TNNI3K: variants seen among roughly 807,000 people sequenced by gnomAD.
TNNI3K encodes the protein serine/threonine-protein kinase TNNI3K.
TNNI3K carries 140 observed loss-of-function variants against 114.5 expected under a neutral mutation model. The observed-to-expected ratio is 1.22, with a 90% CI of 1.07 to 1.41. The LOEUF (loss-of-function observed/expected upper bound fraction) is 1.41, where lower values mean the gene tolerates loss of function less well. Ranked by LOEUF, TNNI3K falls within the 40% of genes most tolerant of loss-of-function variation. The probability of loss-of-function intolerance (pLI) is 0.00; values close to 1 mark genes in which losing one functional copy is unlikely to be tolerated. For missense variants in TNNI3K, 1,125 were observed against 1,007.6 expected (o/e 1.12, Z -1.58); for synonymous variants, 347 against 347.5 (o/e 1.00, Z 0.02).
At chr1:74,296,113 A>G (rs1201040832) in intron 5 of TNNI3K, among the ~76,000 whole-genome samples, 2 of 152,018 alleles carry the variant, frequency 1.3e-5, no homozygotes, top group African/African-American at 4.8e-5. Context: ...CGGCACTACT[A>G]AAAATACAAA....
At chr1:74,524,058 T>G (rs1646469888) in intron 23 of TNNI3K, among the ~76,000 whole-genome samples, 1 of 152,182 alleles carries the variant, frequency 6.6e-6, no homozygotes, top group Non-Finnish European at 1.5e-5. Flanking sequence ...CCAAAAATTG[T>G]TTTTGCAAAG....
At chr1:74,269,377 A>G (rs1656207798) in intron 4 of TNNI3K, among the ~76,000 whole-genome samples, 1 of 151,894 alleles carries the variant, frequency 6.6e-6, no homozygotes, top group Non-Finnish European at 1.5e-5. Context: ...GAAACACCAG[A>G]TATGCTCAAT....
intron 21 of TNNI3K, chr1:74,481,095 CA>C: frequency 5.2e-6 from 3 of 572,846 alleles, no homozygotes; most frequent in Non-Finnish European, 9.3e-6. Flanking sequence ...ATAAACAATA[CA>C]AAAAATGAAA....
intron 5 of TNNI3K, among the ~76,000 whole-genome samples, chr1:74,290,034 A>G (rs571322089): frequency 6.6e-6 from 1 of 151,704 alleles, no homozygotes; most frequent in African/African-American, 2.4e-5. Context: ...AGTTGCTTCT[A>G]ACTTTTCTGG....
intron 5 of TNNI3K, among the ~76,000 whole-genome samples, chr1:74,276,903 A>G (rs1656718262): frequency 6.6e-6 from 1 of 152,160 alleles, no homozygotes; most frequent in Non-Finnish European, 1.5e-5. Context: ...TGGGACTCAG[A>G]TTTAAATTTA....
intron 20 of TNNI3K, among the ~76,000 whole-genome samples, chr1:74,462,875 A>G (rs1667509494): frequency 1.3e-5 from 2 of 152,254 alleles, no homozygotes; most frequent in African/African-American, 4.8e-5. Flanking sequence ...GCTAAAATAA[A>G]GATGTGAAGT....
intron 21 of TNNI3K, among the ~76,000 whole-genome samples, chr1:74,477,247 C>T (rs1338529309): frequency 6.6e-6 from 1 of 152,090 alleles, no homozygotes; most frequent in Non-Finnish European, 1.5e-5. Flanking sequence ...TATATTCTGA[C>T]ACTTTTCTTG....
intron 23 of TNNI3K, among the ~76,000 whole-genome samples, chr1:74,537,668 G>A (rs1183422780): frequency 6.6e-6 from 1 of 152,144 alleles, no homozygotes; most frequent in African/African-American, 2.4e-5. Flanking sequence ...TGACCTCCAG[G>A]AGCTATCTGT....
In TNNI3K at chr1:74,327,531, A is replaced by C. The variant is rs554486308; in HGVS notation, c.445-3919A>C. ...TAATATATATATCTCAGTATTTTAT[A>C]TATTGAGTATATATAATATATATCT... On this transcript the variant is annotated intron_variant, in intron 5 of 24. Coordinates refer to ENST00000326637, the MANE Select transcript of TNNI3K (RefSeq NM_015978.3). Among the ~76,000 whole-genome samples, 764 of 146,864 alleles carry C rather than the reference A, an allele frequency of 5.2e-3. 6 individuals carry two copies. Among genetic ancestry groups the C allele is most frequent in the Non-Finnish European group, 8.6e-3 (575 of 66,892 alleles).
intron 20 of TNNI3K, 69 bp downstream of exon 20, chr1:74,439,691 A>G: frequency 6.3e-7 from 1 of 1,582,106 alleles, no homozygotes; most frequent in South Asian, 1.2e-5. Context: ...CTTCAAGAAA[A>G]TTTTTTTTCA....
At chr1:74,246,235 T>G (rs1227777186) in intron 2 of TNNI3K, among the ~76,000 whole-genome samples, 1 of 152,252 alleles carries the variant, frequency 6.6e-6, no homozygotes, top group Non-Finnish European at 1.5e-5. Flanking sequence ...GCCTGGCTTT[T>G]AAACCCTCAA....
chr1:74,515,813 C>A (rs1646340652), intron 23 of TNNI3K, among the ~76,000 whole-genome samples: 1 of 152,166 alleles, frequency 6.6e-6, no homozygotes, highest in Non-Finnish European at 1.5e-5. Flanking sequence ...CTTCAGAAGC[C>A]TAGTCTTCCT....
intron 5 of TNNI3K, among the ~76,000 whole-genome samples, chr1:74,292,117 G>A (rs930288569): frequency 6.6e-6 from 1 of 150,914 alleles, no homozygotes; most frequent in African/African-American, 2.4e-5. Context: ...TGATTATTTT[G>A]GTCTCTCTTT....
chr1:74,462,222 G>A (rs527407226), intron 20 of TNNI3K, among the ~76,000 whole-genome samples: 10 of 152,284 alleles, frequency 6.6e-5, no homozygotes, highest in Admixed American at 2.0e-4. Flanking sequence ...AAATCACATT[G>A]CATATAATTT....
intron 4 of TNNI3K, among the ~76,000 whole-genome samples, chr1:74,257,919 G>A (rs751569330): frequency 2.0e-5 from 3 of 151,910 alleles, no homozygotes; most frequent in Non-Finnish European, 2.9e-5. Context: ...CGCCCACCTC[G>A]TCCTCCTAAA....
intron 5 of TNNI3K, among the ~76,000 whole-genome samples, chr1:74,313,637 T>C (rs1659121640): frequency 6.6e-6 from 1 of 152,108 alleles, no homozygotes; most frequent in Admixed American, 6.5e-5. Context: ...CCTCCATAGA[T>C]CTAGCACTCA....
intron 17 of TNNI3K, among the ~76,000 whole-genome samples, chr1:74,430,592 C>T (rs751272241): frequency 1.3e-5 from 2 of 151,968 alleles, no homozygotes; most frequent in South Asian, 2.1e-4. Context: ...AAATCTTGCC[C>T]GCAGTTATAT....
chr1:74,369,283 A>C lies in TNNI3K; in HGVS notation c.1472+19A>C. The C allele has an allele frequency of 6.2e-7, 1 of 1,611,704 alleles. No homozygotes were observed. The highest frequency in any genetic ancestry group is 8.5e-7 in the Non-Finnish European group (1 of 1,178,904). ...TAAAACGGTAAGCAAGCAAATGAAA[A>C]AATTTAACATCCAGGTGGAATTGTG... On this transcript the variant is annotated intron_variant, in intron 15 of 24. Coordinates refer to ENST00000326637, the MANE Select transcript of TNNI3K (RefSeq NM_015978.3).
chr1:74,427,338 G>A (rs1401462964), intron 17 of TNNI3K, among the ~76,000 whole-genome samples: 1 of 146,586 alleles, frequency 6.8e-6, no homozygotes, highest in African/African-American at 2.5e-5. Context: ...CTTTATTTTA[G>A]TAATCAGACT....
Sources: gnomAD v4.1 joint callset for allele counts (sites outside exome capture counted in the v4.1 genomes callset) on GRCh38, gnomAD v4.1.1 for gene constraint, MANE v1.5 for transcripts, NCBI Gene and HGNC (gene_info 2026-07-23, HGNC 2026-07-21) for gene names.